The following VAX2 variants were observed in gnomAD, a reference collection of about 807,000 sequenced individuals.
VAX2 encodes the protein ventral anterior homeobox 2.
A neutral mutation model predicts 12.5 loss-of-function variants in VAX2; 8 were observed. The ratio of observed to expected loss-of-function variants is 0.64; its 90% CI spans 0.37 to 1.15. The LOEUF (loss-of-function observed/expected upper bound fraction) is 1.15. VAX2 is among the 50% of genes most tolerant of loss of function. VAX2 has a pLI of 0.01. For synonymous variants in VAX2, 183 were observed against 187.6 expected, an observed-to-expected ratio of 0.98 and a Z score of 0.20; for missense variants, 476 against 412.9, an observed-to-expected ratio of 1.15 and a Z score of -1.32.
intron 1 of VAX2, among the ~76,000 whole-genome samples, chr2:70,909,040 G>A (rs1270311369): frequency 6.6e-6 from 1 of 152,042 alleles, no homozygotes; most frequent in Non-Finnish European, 1.5e-5. Flanking sequence ...TTATTGATCT[G>A]TAGAAACTCT....
rs782667630 is a variant in VAX2 at position 70,932,812 on chromosome 2, C to A, written c.481C>A (p.Gln161Lys). ...CCGCCGCACCAAGCAGAAGAAAGAC[C>A]AGAGCAGAGACCTGGAGAAGCGGGC... The part of the protein sequence containing the change: ...QNRRTKQKKD[Q>K]SRDLEKRASS... Residue 161 changes from glutamine (Q) to lysine (K), a missense_variant, in exon 3 of 3, where the codon CAG (glutamine) becomes AAG (lysine). Transcript: ENST00000234392. 1.9e-6 allele frequency: 3 copies of A among 1,607,228 alleles called. No homozygotes were observed. In the South Asian group the frequency reaches 3.3e-5, roughly 18 times the overall value.
At chr2:70,920,701 G>A (rs1256003993) in intron 1 of VAX2, among the ~76,000 whole-genome samples, 1 of 151,916 alleles carries the variant, frequency 6.6e-6, no homozygotes, top group Non-Finnish European at 1.5e-5. Context: ...GACCTCTCCA[G>A]TAAGCCTTAC....
chr2:70,931,179 G>T (rs1679687211), intron 2 of VAX2, among the ~76,000 whole-genome samples: 1 of 152,238 alleles, frequency 6.6e-6, no homozygotes, highest in African/African-American at 2.4e-5. Flanking sequence ...CTCATGTAGA[G>T]TAGGAAGGGG....
chr2:70,922,521 G>C (rs1197162480), intron 2 of VAX2, among the ~76,000 whole-genome samples: 2 of 152,170 alleles, frequency 1.3e-5, no homozygotes, highest in African/African-American at 4.8e-5. Flanking sequence ...CCTGGGGAGG[G>C]GGTAGTCAGA....
chr2:70,919,264 G>A (rs1679394529), intron 1 of VAX2, among the ~76,000 whole-genome samples: 2 of 151,406 alleles, frequency 1.3e-5, no homozygotes, highest in South Asian at 2.1e-4. Context: ...AAAAAAAGAC[G>A]GTGTTTCAAG....
chr2:70,921,807 G>A (rs1361195845), intron 2 of VAX2, among the ~76,000 whole-genome samples: 2 of 152,068 alleles, frequency 1.3e-5, no homozygotes, highest in African/African-American at 4.8e-5. Context: ...CCCTTCACCT[G>A]GGTAGGACTG....
At chr2:70,919,288 C>T (rs1444776446) in intron 1 of VAX2, among the ~76,000 whole-genome samples, 1 of 151,000 alleles carries the variant, frequency 6.6e-6, no homozygotes, top group Non-Finnish European at 1.5e-5. Context: ...TTCTTGGACA[C>T]TGCCAGTAGG....
At chr2:70,915,624 T>G (rs895454897) in intron 1 of VAX2, among the ~76,000 whole-genome samples, 1 of 152,230 alleles carries the variant, frequency 6.6e-6, no homozygotes, top group Admixed American at 6.5e-5. Context: ...GCCCTTATAA[T>G]TTTATCATCT....
intron 2 of VAX2, among the ~76,000 whole-genome samples, chr2:70,931,704 C>A (rs1292639888): frequency 1.3e-5 from 2 of 152,258 alleles, no homozygotes; most frequent in African/African-American, 4.8e-5. Context: ...CATCCGGCAC[C>A]TGCCTGGGCC....
intron 1 of VAX2, among the ~76,000 whole-genome samples, chr2:70,920,648 C>G (rs62145069): frequency 2.5e-3 from 27 of 10,818 alleles, no homozygotes; most frequent in Non-Finnish European, 3.8e-3. Context: ...TGCACAGACA[C>G]ACACACACAC....
intron 1 of VAX2, among the ~76,000 whole-genome samples, chr2:70,915,813 G>A (rs1390193642): frequency 6.6e-6 from 1 of 151,850 alleles, no homozygotes; most frequent in Non-Finnish European, 1.5e-5. Context: ...TATGACTATG[G>A]ATACATGTGT....
At chr2:70,906,423 C>A (rs372554272) in intron 1 of VAX2, among the ~76,000 whole-genome samples, 10 of 148,632 alleles carry the variant, frequency 6.7e-5, no homozygotes, top group Admixed American at 4.0e-4. Flanking sequence ...AAGGCCCTGG[C>A]GGAGGCTTGG....
At chr2:70,929,713 A>G (rs1679653837) in intron 2 of VAX2, among the ~76,000 whole-genome samples, 1 of 151,988 alleles carries the variant, frequency 6.6e-6, no homozygotes, top group Non-Finnish European at 1.5e-5. Flanking sequence ...GTATATAGCA[A>G]TCTTTCCAGT....
At position 70,900,718 on chromosome 2, in the gene VAX2, G is replaced by C. The variant is rs1236703090; in HGVS notation, c.97G>C (p.Asp33His). 7.2e-7 allele frequency: 1 copy of C among 1,397,272 alleles called. No homozygotes were observed. The highest frequency in any genetic ancestry group is 9.3e-7 in the Non-Finnish European group (1 of 1,070,512). The allele number at this position is 1,397,272 out of a possible 1,614,324, so 86.6% of individuals were successfully genotyped here. A position where few individuals can be genotyped will look rare whatever the true frequency, so the allele number is the denominator to read the frequency against. Residue 33 changes from aspartate (D) to histidine (H), a missense_variant, in exon 1 of 3, where the codon GAC (aspartate) becomes CAC (histidine). Coordinates refer to ENST00000234392, the MANE Select transcript of VAX2 (RefSeq NM_012476.3). ...GRCGDRSGAG[D>H]LRADGGGHSP... ...CTGCGGAGACCGCAGCGGAGCGGGG[G>C]ACTTGCGAGCTGATGGCGGTGGCCA...
At chr2:70,916,496 A>T (rs1679307799) in intron 1 of VAX2, among the ~76,000 whole-genome samples, 1 of 152,158 alleles carries the variant, frequency 6.6e-6, no homozygotes, top group South Asian at 2.1e-4. Flanking sequence ...GTGTCACCAC[A>T]AAGGAACTTC....
intron 1 of VAX2, among the ~76,000 whole-genome samples, chr2:70,902,131 C>T (rs1223767322): frequency 6.6e-6 from 1 of 152,176 alleles, no homozygotes; most frequent in Non-Finnish European, 1.5e-5. Flanking sequence ...ACTGGGACAC[C>T]CTGGGCCAGT....
At chr2:70,928,917 C>T (rs1572899064) in intron 2 of VAX2, among the ~76,000 whole-genome samples, 1 of 152,328 alleles carries the variant, frequency 6.6e-6, no homozygotes, top group Middle Eastern at 3.4e-3. Flanking sequence ...GTATTATTGT[C>T]CCCATTTTAA....
intron 1 of VAX2, among the ~76,000 whole-genome samples, chr2:70,901,271 C>G (rs1411774740): frequency 5.9e-5 from 9 of 152,272 alleles, no homozygotes; most frequent in Non-Finnish European, 1.0e-4. Flanking sequence ...GCGTCGGCAA[C>G]CGCGGGAGGA....
chr2:70,910,002 T>C (rs1553411037), intron 1 of VAX2, among the ~76,000 whole-genome samples: 1 of 152,202 alleles, frequency 6.6e-6, no homozygotes, highest in African/African-American at 2.4e-5. Flanking sequence ...ATCTTATTTA[T>C]GAGACAATTT....
Sources: allele counts gnomAD v4.1 joint callset (sites outside exome capture counted in the v4.1 genomes callset), GRCh38; gene constraint gnomAD v4.1.1; transcripts MANE v1.5; gene names NCBI Gene and HGNC (gene_info 2026-07-23, HGNC 2026-07-21).